Variants in YWHAQ observed in about 807,000 individuals in gnomAD.
YWHAQ encodes the protein tyrosine 3-monooxygenase/tryptophan 5-monooxygenase activation protein theta.
A neutral mutation model predicts 28.3 loss-of-function variants in YWHAQ; 6 were observed. The ratio of observed to expected loss-of-function variants is 0.21; its 90% CI spans 0.12 to 0.42. The LOEUF (loss-of-function observed/expected upper bound fraction) is 0.42. Ranked by LOEUF, YWHAQ falls within the 10% of genes least tolerant of loss-of-function variation. The pLI is 1.00. For synonymous variants in YWHAQ, 143 were observed against 119.1 expected, an observed-to-expected ratio of 1.20 and a Z score of -1.31; for missense variants, 201 against 305.6, an observed-to-expected ratio of 0.66 and a Z score of 2.55.
chr2:9,609,879 T>C (rs1427516907), intron 2 of YWHAQ, among the ~76,000 whole-genome samples: 5 of 152,208 alleles, frequency 3.3e-5, no homozygotes, highest in Non-Finnish European at 7.4e-5. Context: ...GAAACTTTTT[T>C]AGAGTGGGAA....
intron 2 of YWHAQ, among the ~76,000 whole-genome samples, chr2:9,608,387 G>A (rs983462516): frequency 1.3e-5 from 2 of 152,174 alleles, no homozygotes; most frequent in Non-Finnish European, 2.9e-5. Flanking sequence ...CTTTGTCATC[G>A]CTGAGAAGTA....
chr2:9,597,588 A>G (rs1424762285), intron 2 of YWHAQ, among the ~76,000 whole-genome samples: 1 of 145,294 alleles, frequency 6.9e-6, no homozygotes, highest in African/African-American at 2.6e-5. Context: ...AGAGGGTTGC[A>G]GTGAGACAAG....
At chr2:9,585,377 T>C (rs766715734) in intron 5 of YWHAQ, 32 bp from the exon 6 acceptor site, 1 of 1,612,272 alleles carries the variant, frequency 6.2e-7, no homozygotes, top group Non-Finnish European at 8.5e-7. Context: ...TAAGTTACTA[T>C]TTCTAGATTA....
In YWHAQ at chr2:9,630,300, C is replaced by T. The variant is rs539717165; in HGVS notation, c.153G>A (p.Val51=). Residue 51 remains valine (V), a synonymous_variant, in exon 2 of 6, where the codon GTG becomes GTA. Transcript: ENST00000238081. This position sits in a 1 kb window ranked among gnomAD's most constrained non-coding sequence, Gnocchi z 5.6. ...TCCAGGCGGACCTGCGGCCCCCGAC[C>T]ACGTTCTTGTAGGCCACGGAGAGCA... is the stretch of plus-strand genomic sequence containing the variant. ...RNLLSVAYKN[V]VGGRRSAWRV... is the part of the protein sequence containing the mutation. The T allele has an allele frequency of 6.2e-7, 1 of 1,614,172 alleles. No homozygotes were observed. Among genetic ancestry groups the T allele is most frequent in the Admixed American group, 1.7e-5 (1 of 60,034 alleles).
chr2:9,586,434 C>G (rs762226171), intron 5 of YWHAQ, among the ~76,000 whole-genome samples: 7 of 152,072 alleles, frequency 4.6e-5, no homozygotes, highest in Non-Finnish European at 8.8e-5. Context: ...ACAAACAAAA[C>G]AAAATCCCCC....
At chr2:9,619,421 A>G (rs755965450) in intron 2 of YWHAQ, among the ~76,000 whole-genome samples, 4 of 152,212 alleles carry the variant, frequency 2.6e-5, no homozygotes, top group Non-Finnish European at 5.9e-5. Flanking sequence ...TAAATACAGT[A>G]ATACCAAAAA....
intron 2 of YWHAQ, among the ~76,000 whole-genome samples, chr2:9,604,044 T>G (rs1240161647): frequency 6.6e-6 from 1 of 152,204 alleles, no homozygotes; most frequent in Non-Finnish European, 1.5e-5. Flanking sequence ...GGACAATTCC[T>G]TACACAGGCC....
At chr2:9,597,648 A>AAAG (rs1553372961) in intron 2 of YWHAQ, among the ~76,000 whole-genome samples, 1 of 150,898 alleles carries the variant, frequency 6.6e-6, no homozygotes, top group African/African-American at 2.5e-5. Flanking sequence ...AAAAAAAAAA[A>AAAG]AAAAAGAAAA....
intron 2 of YWHAQ, among the ~76,000 whole-genome samples, chr2:9,610,379 G>A (rs1666919611): frequency 6.6e-6 from 1 of 152,134 alleles, no homozygotes; most frequent in Non-Finnish European, 1.5e-5. Context: ...GATTAAATGA[G>A]TTAACACAAA....
intron 2 of YWHAQ, among the ~76,000 whole-genome samples, chr2:9,601,652 T>C (rs1256768879): frequency 6.6e-6 from 1 of 151,910 alleles, no homozygotes; most frequent in Non-Finnish European, 1.5e-5. Flanking sequence ...TTAAGATTGT[T>C]TTTTTTTTTT....
intron 2 of YWHAQ, among the ~76,000 whole-genome samples, chr2:9,594,030 G>A (rs1315084503): frequency 3.3e-5 from 5 of 150,534 alleles, no homozygotes. Flanking sequence ...ATAAAATTAT[G>A]TATCGAAGTC....
chr2:9,610,923 G>A (rs1666934678), intron 2 of YWHAQ, among the ~76,000 whole-genome samples: 1 of 152,064 alleles, frequency 6.6e-6, no homozygotes, highest in Admixed American at 6.6e-5. Context: ...CAGAAACCTA[G>A]GAGTCACCCT....
At chr2:9,603,801 T>A (rs1275153538) in intron 2 of YWHAQ, among the ~76,000 whole-genome samples, 1 of 151,858 alleles carries the variant, frequency 6.6e-6, no homozygotes, top group African/African-American at 2.4e-5. Flanking sequence ...GGTGTACACC[T>A]GTAATCCCAG....
chr2:9,587,324 T>C, intron 5 of YWHAQ, 90 bp downstream of exon 5: 1 of 1,142,810 alleles, frequency 8.8e-7, no homozygotes, highest in South Asian at 1.5e-5. Flanking sequence ...AGCTCGTATG[T>C]ATCTTCCCTA....
At chr2:9,606,014 C>T (rs1338112813) in intron 2 of YWHAQ, among the ~76,000 whole-genome samples, 2 of 151,572 alleles carry the variant, frequency 1.3e-5, no homozygotes, top group Admixed American at 6.6e-5. Context: ...TAATAGCTGC[C>T]TCATTCTATA....
At chr2:9,603,466 G>A (rs529916868) in intron 2 of YWHAQ, among the ~76,000 whole-genome samples, 1 of 150,520 alleles carries the variant, frequency 6.6e-6, no homozygotes, top group South Asian at 2.1e-4. Flanking sequence ...GAAGAGACGG[G>A]GTTTCTCCAT....
intron 2 of YWHAQ, among the ~76,000 whole-genome samples, chr2:9,606,523 CTG>C (rs375948662): frequency 6.6e-6 from 1 of 151,910 alleles, no homozygotes; most frequent in Non-Finnish European, 1.5e-5. Context: ...GAACATCTGT[CTG>C]TGTGTGTGTG....
intron 2 of YWHAQ, among the ~76,000 whole-genome samples, chr2:9,604,643 C>T (rs577157613): frequency 3.3e-5 from 5 of 152,228 alleles, no homozygotes; most frequent in South Asian, 2.1e-4. Context: ...ATTAAGGAGA[C>T]GCAAAACCTG....
chr2:9,606,862 G>A (rs1572996812), intron 2 of YWHAQ, among the ~76,000 whole-genome samples: 1 of 151,588 alleles, frequency 6.6e-6, no homozygotes, highest in East Asian at 1.9e-4. Context: ...AGCCTGTCTG[G>A]CAACACAACT....
Sources: gnomAD v4.1 joint callset for allele counts (sites outside exome capture counted in the v4.1 genomes callset) on GRCh38, gnomAD v4.1.1 for gene constraint, Gnocchi (gnomAD v3.1) non-coding constraint, MANE v1.5 for transcripts, NCBI Gene and HGNC (gene_info 2026-07-23, HGNC 2026-07-21) for gene names.